Variants in DNAH7 observed in about 807,000 individuals in gnomAD.
The protein encoded by DNAH7 is dynein axonemal heavy chain 7.
Under a neutral mutation model 444.6 loss-of-function variants are expected in DNAH7, and 397 were observed. The ratio of observed to expected loss-of-function variants is 0.89; its 90% CI spans 0.82 to 0.97. The LOEUF (loss-of-function observed/expected upper bound fraction) is 0.97, where lower values mean the gene tolerates loss of function less well. DNAH7 is among the 50% of genes least tolerant of loss of function. DNAH7 has a pLI of 0.00. For synonymous variants in DNAH7, 1,636 were observed against 1,624.4 expected (o/e 1.01, Z -0.17); for missense variants, 4,902 against 4,800.8 (o/e 1.02, Z -0.62).
intron 58 of DNAH7, among the ~76,000 whole-genome samples, chr2:195,779,481 A>T (rs1205295551): frequency 6.6e-6 from 1 of 152,292 alleles, no homozygotes; most frequent in East Asian, 1.9e-4. Context: ...TAGGTCAATA[A>T]TATTATTTTA....
chr2:196,054,716 C>T (rs1367953794), intron 2 of DNAH7, among the ~76,000 whole-genome samples: 2 of 152,034 alleles, frequency 1.3e-5, no homozygotes, highest in Admixed American at 6.5e-5. Context: ...TGGGAGGGAC[C>T]TGGGTGGGAG....
intron 54 of DNAH7, among the ~76,000 whole-genome samples, chr2:195,803,286 C>T (rs1696562162): frequency 6.6e-6 from 1 of 152,186 alleles, no homozygotes; most frequent in Non-Finnish European, 1.5e-5. Context: ...TATAAATGGC[C>T]TCACTTCTGT....
chr2:195,895,348 G>T, intron 29 of DNAH7, 124 bp from the exon 30 acceptor site: 1 of 621,744 alleles, frequency 1.6e-6, no homozygotes, highest in African/African-American at 1.9e-5. Flanking sequence ...CAGCTTTATA[G>T]AGGAATAGTT....
Position 195,864,412 on chromosome 2 carries a change from G to A in DNAH7, c.7243C>T (p.Leu2415=). Residue 2415 remains leucine, a synonymous_variant, in exon 41 of 65, where the codon CTG becomes TTG. Coordinates refer to ENST00000312428, the MANE Select transcript of DNAH7 (RefSeq NM_018897.3). ...EESFLEDVSN[L]LNAGEIPNLF... The stretch of plus-strand genomic sequence containing the variant: ...TTTGGAATCTCCCCAGCATTTAGCA[G>A]ATTACTGACATCTTCCAGAAAAGAC... 6.2e-7 allele frequency: 1 copy of A among 1,614,170 alleles called. No homozygotes were observed. The highest frequency in any genetic ancestry group is 8.5e-7 in the Non-Finnish European group (1 of 1,180,032).
rs778990661 is a variant in DNAH7 at position 196,000,858 on chromosome 2, G to C, written c.1199C>G (p.Pro400Arg). The C allele has an allele frequency of 6.3e-7, 1 of 1,580,654 alleles. No homozygotes were observed. Among genetic ancestry groups the C allele is most frequent in the Non-Finnish European group, 8.6e-7 (1 of 1,166,624 alleles). Residue 400 changes from proline to arginine, a missense_variant, in exon 12 of 65, where the codon CCA becomes CGA. Transcript: ENST00000312428. ...AAGAATCAGCCTCATGATGAAACCT[G>C]GATGTTCAAAAGCTCTAACAGAATC... ...PPDSVRAFEH[P>R]GFIMRLILDN...
intron 33 of DNAH7, among the ~76,000 whole-genome samples, chr2:195,887,499 T>C (rs1056584237): frequency 4.1e-4 from 63 of 152,226 alleles, no homozygotes; most frequent in African/African-American, 1.5e-3. Context: ...CTTCTTTTTT[T>C]CTCTGGATTT....
At chr2:195,911,950 T>C (rs938530642) in intron 24 of DNAH7, among the ~76,000 whole-genome samples, 2 of 152,184 alleles carry the variant, frequency 1.3e-5, no homozygotes, top group Non-Finnish European at 2.9e-5. Flanking sequence ...TGTATATTAA[T>C]AGTAAAAAAT....
chr2:195,998,843 G>T, intron 12 of DNAH7: 1 of 376,400 alleles, frequency 2.7e-6, no homozygotes, highest in Non-Finnish European at 4.7e-6. Context: ...AATATGCCAG[G>T]ATAATAAAGC....
At chr2:195,993,591 G>A (rs1693492437) in intron 12 of DNAH7, among the ~76,000 whole-genome samples, 3 of 152,146 alleles carry the variant, frequency 2.0e-5, no homozygotes, top group Non-Finnish European at 4.4e-5. Context: ...TTCTGTAACT[G>A]CAACAAGTAT....
chr2:196,015,621 C>T (rs1476643385), intron 9 of DNAH7, among the ~76,000 whole-genome samples: 1 of 152,098 alleles, frequency 6.6e-6, no homozygotes, highest in African/African-American at 2.4e-5. Context: ...AGTGTAAATA[C>T]CAATAACATG....
At chr2:195,983,886 C>T (rs887853449) in intron 15 of DNAH7, among the ~76,000 whole-genome samples, 3 of 152,170 alleles carry the variant, frequency 2.0e-5, no homozygotes, top group Non-Finnish European at 2.9e-5. Flanking sequence ...ACAGCTCAGG[C>T]TTCCCGGGAC....
intron 30 of DNAH7, chr2:195,893,816 T>G (rs563339139): frequency 6.6e-6 from 1 of 152,210 alleles, no homozygotes; most frequent in Non-Finnish European, 1.5e-5. Flanking sequence ...ACTTTACAAG[T>G]GGACCAGAAT....
Position 195,960,566 on chromosome 2 carries a change from C to A in DNAH7, c.2585G>T (p.Gly862Val). 3.1e-6 allele frequency: 5 copies of A among 1,614,198 alleles called. No homozygotes were observed. The highest frequency in any genetic ancestry group is 4.2e-6 in the Non-Finnish European group (5 of 1,180,024). The change falls in exon 18 of 65, where the codon GGT (glycine) becomes GTT (valine). Residue 862 changes from glycine (G) to valine (V), a missense_variant. Transcript: ENST00000312428. ...GTCATCTGATGGCTGCAAAGGGTAACCAACAATGGCAGACATGGCCTCCCA... is the reference window on the plus strand; with the variant it reads ...GTCATCTGATGGCTGCAAAGGGTAAACAACAATGGCAGACATGGCCTCCCA... ...RHWEAMSAIV[G>V]YPLQPSDDST... is the part of the protein sequence containing the mutation.
intron 33 of DNAH7, among the ~76,000 whole-genome samples, chr2:195,887,489 C>T (rs536698493): frequency 1.3e-5 from 2 of 152,222 alleles, no homozygotes; most frequent in South Asian, 4.1e-4. Flanking sequence ...CTCTTGCTCT[C>T]TTCTTTTTTT....
At chr2:196,029,600 C>T (rs1474339795) in intron 5 of DNAH7, among the ~76,000 whole-genome samples, 1 of 151,818 alleles carries the variant, frequency 6.6e-6, no homozygotes, top group Non-Finnish European at 1.5e-5. Context: ...ATAATCCTCA[C>T]ACCTATTGTT....
chr2:195,831,158 T>C (rs577601925), intron 48 of DNAH7, among the ~76,000 whole-genome samples: 67 of 152,340 alleles, frequency 4.4e-4, no homozygotes, highest in Non-Finnish European at 8.5e-4. Flanking sequence ...TCTCTACAAA[T>C]TGATTTATCA....
At chr2:195,966,319 A>G (rs746053100) in intron 17 of DNAH7, among the ~76,000 whole-genome samples, 1 of 152,024 alleles carries the variant, frequency 6.6e-6, no homozygotes, top group Non-Finnish European at 1.5e-5. Context: ...AAGATGCTTG[A>G]TATCATTTCC....
chr2:196,007,977 C>T (rs1207507180), intron 10 of DNAH7, among the ~76,000 whole-genome samples: 1 of 152,002 alleles, frequency 6.6e-6, no homozygotes, highest in Non-Finnish European at 1.5e-5. Flanking sequence ...AGGATACTAT[C>T]AATAGGAGAA....
In DNAH7 at chr2:195,875,838, G is replaced by GA. The variant is rs1184325186; in HGVS notation, c.6122dup (p.Phe2042LeufsTer4). On this transcript the variant is annotated frameshift_variant, in exon 38 of 65. Transcript: ENST00000312428. LOFTEE classifies it high-confidence loss of function. ...CAGGCATATTGACATCATCTACAAA[G>GA]ACAACCTGAGAATGAGAAGAGAAGA... 1 of 1,599,174 alleles carries GA rather than the reference G, an allele frequency of 6.3e-7. No individual in the cohort carries two copies. The highest frequency in any genetic ancestry group is 8.5e-7 in the Non-Finnish European group (1 of 1,175,244).
Sources: allele counts gnomAD v4.1 joint callset (sites outside exome capture counted in the v4.1 genomes callset), GRCh38; gene constraint gnomAD v4.1.1; transcripts MANE v1.5; gene names NCBI Gene and HGNC (gene_info 2026-07-23, HGNC 2026-07-21).